Variants in SPARCL1 observed in about 807,000 individuals in gnomAD.
SPARCL1 encodes the protein SPARC like 1.
Under a neutral mutation model 67.1 loss-of-function variants are expected in SPARCL1, and 52 were observed. The ratio of observed to expected loss-of-function variants is 0.78; its 90% CI spans 0.62 to 0.98. The LOEUF (loss-of-function observed/expected upper bound fraction) is 0.98. Among genes scored for constraint, SPARCL1 ranks in the 50% least tolerant of loss-of-function variants. The probability of loss-of-function intolerance (pLI) is 0.00; values close to 1 mark genes in which losing one functional copy is unlikely to be tolerated. For synonymous variants in SPARCL1, 226 were observed against 267.8 expected, an observed-to-expected ratio of 0.84 and a Z score of 1.52; for missense variants, 717 against 782.4, an observed-to-expected ratio of 0.92 and a Z score of 1.00.
At chr4:87,528,021 C>G (rs1041474973) in intron 1 of SPARCL1, 5 of 151,900 alleles carry the variant, frequency 3.3e-5, no homozygotes, top group Non-Finnish European at 7.4e-5. Flanking sequence ...ATTCAATGTG[C>G]TTAGGCCCTG....
intron 1 of SPARCL1, among the ~76,000 whole-genome samples, chr4:87,516,638 G>A (rs1384185427): frequency 6.6e-6 from 1 of 152,024 alleles, no homozygotes; most frequent in Non-Finnish European, 1.5e-5. Flanking sequence ...ATCCCTCTTT[G>A]CCACTGTGCC....
intron 1 of SPARCL1, among the ~76,000 whole-genome samples, chr4:87,522,640 AACAC>A (rs57929830): frequency 0.043 from 5,700 of 131,814 alleles, 137 homozygotes; most frequent in South Asian, 0.065. Flanking sequence ...ACCACCACCA[AACAC>A]ACACACACAC....
rs544211651 is a variant in SPARCL1, at chr4:87,487,674, A to G, written c.1531+2599T>C. The stretch of plus-strand genomic sequence containing the variant: ...GGTTGAGGAAGTTCTCCTGGATAAT[A>G]TCCTGAAGAGTGTTTTCCAACTTGG... On this transcript the variant is annotated intron_variant, in intron 7 of 10. Coordinates refer to ENST00000282470, the MANE Select transcript of SPARCL1 (RefSeq NM_004684.6). Among the ~76,000 whole-genome samples, 12 of 152,336 alleles carry G rather than the reference A, an allele frequency of 7.9e-5. No individual in the cohort carries two copies. In the East Asian group the frequency reaches 1.9e-3, roughly 24 times the overall value.
At chr4:87,508,735 T>TA (rs1292709733) in intron 1 of SPARCL1, among the ~76,000 whole-genome samples, 1 of 151,318 alleles carries the variant, frequency 6.6e-6, no homozygotes, top group Non-Finnish European at 1.5e-5. Context: ...TATAACATTA[T>TA]AAAAAGGTCT....
At chr4:87,511,676 C>A (rs1235878119) in intron 1 of SPARCL1, among the ~76,000 whole-genome samples, 1 of 151,930 alleles carries the variant, frequency 6.6e-6, no homozygotes, top group Non-Finnish European at 1.5e-5. Context: ...GAGTTCAAAG[C>A]AAACAAGGTC....
chr4:87,520,109 A>C (rs62315963), intron 1 of SPARCL1, among the ~76,000 whole-genome samples: 4,636 of 151,790 alleles, frequency 0.031, 123 homozygotes, highest in African/African-American at 0.059. Flanking sequence ...GCGTGGTGAC[A>C]GGTGCCTGTA....
chr4:87,476,216 G>A (rs1052411905), intron 10 of SPARCL1, among the ~76,000 whole-genome samples: 6 of 151,952 alleles, frequency 3.9e-5, no homozygotes, highest in African/African-American at 1.5e-4. Flanking sequence ...TCTGAGCCAG[G>A]GACCTAGGCA....
chr4:87,492,466 G>A (rs1268481630), intron 4 of SPARCL1, among the ~76,000 whole-genome samples: 1 of 152,034 alleles, frequency 6.6e-6, no homozygotes, highest in African/African-American at 2.4e-5. Flanking sequence ...CACAACTGTG[G>A]AGGTAGACAG....
chr4:87,489,588 A>T (rs1160480631), intron 7 of SPARCL1, among the ~76,000 whole-genome samples: 1 of 152,188 alleles, frequency 6.6e-6, no homozygotes, highest in East Asian at 1.9e-4. Context: ...TCTCAAAGAG[A>T]GTTTGTGGTG....
intron 1 of SPARCL1, among the ~76,000 whole-genome samples, chr4:87,500,589 T>C (rs1724802630): frequency 1.3e-5 from 2 of 152,184 alleles, no homozygotes; most frequent in African/African-American, 4.8e-5. Context: ...ATGACTCCTT[T>C]AAATTATTTT....
chr4:87,513,152 A>G (rs1358797985), intron 1 of SPARCL1, among the ~76,000 whole-genome samples: 4 of 152,220 alleles, frequency 2.6e-5, no homozygotes, highest in African/African-American at 9.6e-5. Context: ...ATTAAGATGG[A>G]TTTAGTTATA....
intron 10 of SPARCL1, among the ~76,000 whole-genome samples, chr4:87,475,034 G>A (rs886644317): frequency 2.6e-5 from 4 of 152,160 alleles, no homozygotes; most frequent in African/African-American, 7.2e-5. Context: ...GAGCCACCGC[G>A]CCTGGCCTGT....
At chr4:87,514,048 G>A (rs1725483664) in intron 1 of SPARCL1, among the ~76,000 whole-genome samples, 1 of 152,106 alleles carries the variant, frequency 6.6e-6, no homozygotes, top group African/African-American at 2.4e-5. Context: ...ACAAAAACTA[G>A]CTGGGCGTGG....
Position 87,493,720 on chromosome 4 carries a change from G to T in SPARCL1, c.1080C>A (p.Asp360Glu), listed in dbSNP as rs550362408. The change falls in exon 4 of 11, where the codon GAC (aspartate) becomes GAA (glutamate). Residue 360 changes from aspartate (D) to glutamate (E), a missense_variant. By Grantham distance (45) the Asp-to-Glu change is conservative. Transcript: ENST00000282470. ...TDGPRHSASD[D>E]YFIPSQAFLE... ...GAAAGGCCTGGCTTGGGATGAAGTA[G>T]TCATCACTTGCACTGTGCCTGGGGC... The T allele has an allele frequency of 6.2e-7, 1 of 1,614,146 alleles. No homozygotes were observed. The highest frequency in any genetic ancestry group is 1.3e-5 in the African/African-American group (1 of 75,046).
At chr4:87,513,992 G>A (rs1383641266) in intron 1 of SPARCL1, among the ~76,000 whole-genome samples, 5 of 152,104 alleles carry the variant, frequency 3.3e-5, no homozygotes, top group Non-Finnish European at 7.3e-5. Context: ...TCAGGAGTTC[G>A]AGACCAGCCT....
intron 5 of SPARCL1, among the ~76,000 whole-genome samples, chr4:87,491,087 T>A (rs1724307096): frequency 6.6e-6 from 1 of 152,236 alleles, no homozygotes; most frequent in South Asian, 2.1e-4. Flanking sequence ...ATAATTTTAC[T>A]GATTATTTTA....
At chr4:87,527,408 G>A (rs1173197080) in intron 1 of SPARCL1, among the ~76,000 whole-genome samples, 4 of 151,992 alleles carry the variant, frequency 2.6e-5, no homozygotes, top group Admixed American at 2.6e-4. Context: ...TGCCCTTCTC[G>A]GTAGAAAAAT....
intron 10 of SPARCL1, among the ~76,000 whole-genome samples, chr4:87,476,085 A>G (rs1291576347): frequency 2.6e-5 from 4 of 152,134 alleles, no homozygotes; most frequent in Admixed American, 6.5e-5. Flanking sequence ...TTAGGAGGCA[A>G]CCTAATACTT....
chr4:87,527,387 C>G, intron 1 of SPARCL1, among the ~76,000 whole-genome samples: 1 of 151,970 alleles, frequency 6.6e-6, no homozygotes, highest in East Asian at 1.9e-4. Flanking sequence ...GATCTTCTAA[C>G]AAGTTGTTTA....
Sources: allele counts gnomAD v4.1 joint callset (sites outside exome capture counted in the v4.1 genomes callset), GRCh38; gene constraint gnomAD v4.1.1; transcripts MANE v1.5; gene names NCBI Gene and HGNC (gene_info 2026-07-23, HGNC 2026-07-21).